PABPC4L: variants seen among roughly 807,000 people sequenced by gnomAD.
PABPC4L encodes the protein polyadenylate-binding protein 4-like.
For missense variants in PABPC4L, 452 were observed against 451.4 expected (o/e 1.00, Z -0.01); for synonymous variants, 169 against 164.1 (o/e 1.03, Z -0.23).
the PABPC4L span, among the ~76,000 whole-genome samples, chr4:134,175,006 T>A: frequency 6.6e-6 from 1 of 152,156 alleles, no homozygotes; most frequent in Non-Finnish European, 1.5e-5. Flanking sequence ...TATGGCCATG[T>A]GTTTAATACT....
the PABPC4L span, among the ~76,000 whole-genome samples, chr4:133,985,373 A>C: frequency 6.6e-6 from 1 of 152,150 alleles, no homozygotes; most frequent in South Asian, 2.1e-4. Flanking sequence ...ATATTCAATC[A>C]GATATGCACT....
the PABPC4L span, among the ~76,000 whole-genome samples, chr4:133,998,455 T>G: frequency 2.0e-5 from 3 of 151,994 alleles, no homozygotes; most frequent in African/African-American, 7.2e-5. Context: ...TAGTTTTATA[T>G]ACTATTGCAA....
chr4:133,970,066 TATTTAAAAA>T, the PABPC4L span, among the ~76,000 whole-genome samples: 12,663 of 147,210 alleles, frequency 0.086, 720 homozygotes, highest in Admixed American at 0.18. Context: ...ATATTTAAAA[TATTTAAAAA>T]ATATATATAT....
the PABPC4L span, among the ~76,000 whole-genome samples, chr4:134,173,927 TA>T: frequency 6.6e-6 from 1 of 152,118 alleles, no homozygotes; most frequent in Non-Finnish European, 1.5e-5. Flanking sequence ...TTTAAACTTT[TA>T]AATTTGTTAA....
At chr4:134,089,643 G>A in the PABPC4L span, among the ~76,000 whole-genome samples, 17 of 151,970 alleles carry the variant, frequency 1.1e-4, no homozygotes, top group Non-Finnish European at 2.4e-4. Context: ...GTTATCCTTT[G>A]AACAATACAC....
Position 134,199,771 on chromosome 4 carries a change from A to C in PABPC4L, c.*136T>G. 1 of 1,178,488 alleles carries C rather than the reference A, an allele frequency of 8.5e-7. No homozygotes were observed. Among genetic ancestry groups the C allele is most frequent in the Non-Finnish European group, 1.1e-6 (1 of 873,544 alleles). The allele number at this position is 1,178,488 out of a possible 1,614,324, so 73.0% of individuals were successfully genotyped here. A position where few individuals can be genotyped will look rare whatever the true frequency, so the allele number is the denominator to read the frequency against. On this transcript the variant is annotated 3_prime_UTR_variant, in exon 2 of 2. Transcript: ENST00000421491. ...GAAAAAAAATGGCTTTGTATAAAAAACGTTTTATCATAAAGTTTACTAAAC... is the reference window on the plus strand; with the variant it reads ...GAAAAAAAATGGCTTTGTATAAAAACCGTTTTATCATAAAGTTTACTAAAC...
chr4:134,096,886 G>T, the PABPC4L span, among the ~76,000 whole-genome samples: 2 of 151,866 alleles, frequency 1.3e-5, no homozygotes, highest in African/African-American at 4.8e-5. Context: ...ATGTAAAAAT[G>T]CTACTTGCAT....
chr4:134,164,472 T>C, the PABPC4L span, among the ~76,000 whole-genome samples: 1 of 152,142 alleles, frequency 6.6e-6, no homozygotes, highest in Non-Finnish European at 1.5e-5. Flanking sequence ...GTAGCACTGC[T>C]ATACATCAAC....
At chr4:134,073,805 C>T in the PABPC4L span, among the ~76,000 whole-genome samples, 1 of 152,200 alleles carries the variant, frequency 6.6e-6, no homozygotes, top group East Asian at 1.9e-4. Context: ...GGAATTTGCA[C>T]CCTCTGAAGC....
the PABPC4L span, among the ~76,000 whole-genome samples, chr4:133,966,569 T>A: frequency 6.6e-6 from 1 of 152,146 alleles, no homozygotes; most frequent in Non-Finnish European, 1.5e-5. Context: ...TGCCCATCAA[T>A]AAACTAGTGG....
the PABPC4L span, among the ~76,000 whole-genome samples, chr4:134,129,914 A>G: frequency 6.6e-6 from 1 of 151,806 alleles, no homozygotes; most frequent in African/African-American, 2.4e-5. Context: ...CTAAAAATAC[A>G]ATTAGCCAGG....
At chr4:134,018,436 G>T in the PABPC4L span, among the ~76,000 whole-genome samples, 3 of 152,008 alleles carry the variant, frequency 2.0e-5, no homozygotes, top group Non-Finnish European at 2.9e-5. Flanking sequence ...CAGGCATTTG[G>T]TGTCCAAATT....
At chr4:134,041,623 G>T in the PABPC4L span, among the ~76,000 whole-genome samples, 1 of 151,542 alleles carries the variant, frequency 6.6e-6, no homozygotes, top group South Asian at 2.1e-4. Flanking sequence ...AAATACCCAG[G>T]TGATGAGTGT....
At chr4:134,120,871 T>C in the PABPC4L span, among the ~76,000 whole-genome samples, 1 of 151,332 alleles carries the variant, frequency 6.6e-6, no homozygotes, top group South Asian at 2.1e-4. Context: ...TGATGCATTT[T>C]TAAATCTTTT....
chr4:134,028,342 C>A, the PABPC4L span, among the ~76,000 whole-genome samples: 1 of 152,118 alleles, frequency 6.6e-6, no homozygotes, highest in South Asian at 2.1e-4. Context: ...GCACTGCCAG[C>A]GTTTCATCCT....
chr4:134,087,755 T>C, the PABPC4L span, among the ~76,000 whole-genome samples: 1 of 152,300 alleles, frequency 6.6e-6, no homozygotes, highest in South Asian at 2.1e-4. Context: ...GGCACTATTC[T>C]CTACTCTCAG....
chr4:134,077,663 A>T, the PABPC4L span, among the ~76,000 whole-genome samples: 1 of 152,138 alleles, frequency 6.6e-6, no homozygotes, highest in African/African-American at 2.4e-5. Flanking sequence ...CATAAGTCCC[A>T]TATCCTTTAC....
At chr4:134,076,094 G>A in the PABPC4L span, among the ~76,000 whole-genome samples, 1 of 151,670 alleles carries the variant, frequency 6.6e-6, no homozygotes. Context: ...CAGTTACCTG[G>A]ATACCTAATT....
chr4:134,124,124 G>A, the PABPC4L span, among the ~76,000 whole-genome samples: 1 of 152,086 alleles, frequency 6.6e-6, no homozygotes, highest in African/African-American at 2.4e-5. Flanking sequence ...CATGGGAAGA[G>A]TATGGTGAGG....
Sources: allele counts gnomAD v4.1 joint callset (sites outside exome capture counted in the v4.1 genomes callset), GRCh38; gene constraint gnomAD v4.1.1; transcripts MANE v1.5; gene names NCBI Gene and HGNC (gene_info 2026-07-23, HGNC 2026-07-21).